Variants in GRIK1 observed in about 807,000 individuals in gnomAD.
The protein encoded by GRIK1 is glutamate ionotropic receptor kainate type subunit 1, also known as glutamate receptor ionotropic, kainate 1.
GRIK1 carries 69 observed loss-of-function variants against 105.7 expected under a neutral mutation model. That is an observed-to-expected ratio of 0.65 (90% confidence interval 0.54 to 0.80). The LOEUF (loss-of-function observed/expected upper bound fraction) is 0.80, where lower values mean the gene tolerates loss of function less well. Among genes scored for constraint, GRIK1 ranks in the 30% least tolerant of loss-of-function variants. The pLI is 0.00. For missense variants in GRIK1, 1,109 were observed against 1,167.3 expected, an observed-to-expected ratio of 0.95 and a Z score of 0.73; for synonymous variants, 438 against 431.3, an observed-to-expected ratio of 1.02 and a Z score of -0.19.
chr21:29,727,724 A>G (rs2064505237), intron 1 of GRIK1, among the ~76,000 whole-genome samples: 1 of 152,218 alleles, frequency 6.6e-6, no homozygotes, highest in Non-Finnish European at 1.5e-5. Context: ...GACCAACTGT[A>G]TTAGTCAGGG....
At chr21:29,732,551 T>C (rs1039265873) in intron 1 of GRIK1, among the ~76,000 whole-genome samples, 2 of 152,176 alleles carry the variant, frequency 1.3e-5, no homozygotes, top group Admixed American at 6.5e-5. Flanking sequence ...TTGAGTTGTA[T>C]TAAGATAGAG....
chr21:29,825,779 T>C (rs1205185794), intron 1 of GRIK1, among the ~76,000 whole-genome samples: 1 of 152,116 alleles, frequency 6.6e-6, no homozygotes, highest in African/African-American at 2.4e-5. Context: ...TGCCAAATAC[T>C]ATCCTTTACA....
chr21:29,868,088 G>C (rs2068889363), intron 1 of GRIK1, among the ~76,000 whole-genome samples: 1 of 152,046 alleles, frequency 6.6e-6, no homozygotes, highest in Admixed American at 6.6e-5. Flanking sequence ...GTGATGACGG[G>C]AGAGAAAGTA....
chr21:29,744,651 T>C (rs1035450437), intron 1 of GRIK1, among the ~76,000 whole-genome samples: 3 of 152,034 alleles, frequency 2.0e-5, no homozygotes, highest in Admixed American at 6.6e-5. Context: ...GGTCTCAGGA[T>C]AGACTTCACT....
At chr21:29,861,333 G>A (rs552955384) in intron 1 of GRIK1, among the ~76,000 whole-genome samples, 1 of 151,840 alleles carries the variant, frequency 6.6e-6, no homozygotes, top group African/African-American at 2.4e-5. Flanking sequence ...TGGAGACAGG[G>A]TCTCACTCTG....
At chr21:29,680,808 A>G (rs2063357487) in intron 3 of GRIK1, among the ~76,000 whole-genome samples, 1 of 152,196 alleles carries the variant, frequency 6.6e-6, no homozygotes, top group Admixed American at 6.5e-5. Flanking sequence ...ACAGACAAAT[A>G]TAGAAGAAGT....
chr21:29,673,140 A>G lies in GRIK1; in HGVS notation c.569T>C (p.Ile190Thr). The G allele has an allele frequency of 6.2e-7, 1 of 1,611,794 alleles. No individual in the cohort carries two copies. The highest frequency in any genetic ancestry group is 8.5e-7 in the Non-Finnish European group (1 of 1,178,060). ...STGLIRLQEL[I>T]KAPSRYNIKI... The stretch of plus-strand genomic sequence containing the variant: ...AATATTATATCTGGAGGGAGCTTTG[A>G]TGAGCTCTTGTAGACGAATTAGACC... The change falls in exon 4 of 18, where the codon ATC (isoleucine) becomes ACC (threonine). Residue 190 changes from isoleucine (I) to threonine (T), a missense_variant. By Grantham distance (89) the Ile-to-Thr change is moderately conservative. This residue lies in a region of GRIK1 where 612 missense variants were observed against 586.0 expected (regional missense o/e 1.04). Transcript: ENST00000327783.
chr21:29,879,471 G>C (rs529387273), intron 1 of GRIK1, among the ~76,000 whole-genome samples: 1 of 152,026 alleles, frequency 6.6e-6, no homozygotes, highest in Non-Finnish European at 1.5e-5. Flanking sequence ...GAAACTACTA[G>C]ATAGCTAGGT....
intron 16 of GRIK1, among the ~76,000 whole-genome samples, chr21:29,551,813 G>C (rs1246269512): frequency 1.3e-5 from 2 of 152,080 alleles, no homozygotes; most frequent in African/African-American, 4.8e-5. Flanking sequence ...CTTTGGGAGA[G>C]TAAACTTAGG....
intron 7 of GRIK1, among the ~76,000 whole-genome samples, chr21:29,613,657 A>G (rs898349533): frequency 6.6e-6 from 1 of 152,244 alleles, no homozygotes; most frequent in Non-Finnish European, 1.5e-5. Flanking sequence ...TAGTAACACT[A>G]ATAAAAGTCT....
At chr21:29,844,682 A>G (rs187006385) in intron 1 of GRIK1, among the ~76,000 whole-genome samples, 141 of 152,314 alleles carry the variant, frequency 9.3e-4, no homozygotes, top group African/African-American at 3.3e-3. Context: ...AAACCATTCA[A>G]TACCCTCACA....
intron 1 of GRIK1, among the ~76,000 whole-genome samples, chr21:29,757,212 TATCAC>T (rs1264809570): frequency 1.3e-5 from 2 of 152,194 alleles, no homozygotes; most frequent in Non-Finnish European, 2.9e-5. Flanking sequence ...ACTGTTCCAA[TATCAC>T]ATTTAAAAGG....
At chr21:29,696,039 T>A (rs1250071521) in intron 1 of GRIK1, among the ~76,000 whole-genome samples, 2 of 152,244 alleles carry the variant, frequency 1.3e-5, no homozygotes, top group African/African-American at 4.8e-5. Flanking sequence ...TGATCCTACT[T>A]TGAAAAAAAT....
intron 1 of GRIK1, among the ~76,000 whole-genome samples, chr21:29,746,605 T>C (rs761161859): frequency 1.3e-5 from 2 of 152,242 alleles, no homozygotes; most frequent in Non-Finnish European, 2.9e-5. Flanking sequence ...AGAGTTAAGA[T>C]TTTACTCAAT....
At chr21:29,753,734 G>A (rs973272975) in intron 1 of GRIK1, among the ~76,000 whole-genome samples, 1 of 152,152 alleles carries the variant, frequency 6.6e-6, no homozygotes, top group East Asian at 1.9e-4. Flanking sequence ...AGCAGTCTTT[G>A]ATTTCATGTA....
intron 8 of GRIK1, among the ~76,000 whole-genome samples, chr21:29,596,953 TACAC>T (rs538669334): frequency 6.0e-5 from 9 of 150,710 alleles, no homozygotes; most frequent in African/African-American, 1.9e-4. Flanking sequence ...AATCAATCAA[TACAC>T]ACACACACAC....
In GRIK1 at chr21:29,885,318, G is replaced by A. The variant is rs141894199; in HGVS notation, c.118+54065C>T. Reference sequence around the variant, plus strand: ...GCTAGATGGTTTTTAACTAAATATAGGCATATTAAAAGTTCTCTTCTCATA... The same window carrying A: ...GCTAGATGGTTTTTAACTAAATATAAGCATATTAAAAGTTCTCTTCTCATA... On this transcript the variant is annotated intron_variant, in intron 1 of 17. Coordinates refer to ENST00000327783, the MANE Select transcript of GRIK1 (RefSeq NM_001330994.2). 7.2e-5 allele frequency among the ~76,000 whole-genome samples: 11 copies of A among 152,086 alleles called. No individual in the cohort carries two copies. In the East Asian group the frequency reaches 1.9e-3, roughly 27 times the overall value.
intron 7 of GRIK1, among the ~76,000 whole-genome samples, chr21:29,610,737 A>G (rs2146369902): frequency 6.6e-6 from 1 of 152,294 alleles, no homozygotes; most frequent in Non-Finnish European, 1.5e-5. Flanking sequence ...TGCTTGTGGT[A>G]ATTCACCTAA....
At chr21:29,832,447 C>T (rs965930751) in intron 1 of GRIK1, among the ~76,000 whole-genome samples, 6 of 152,170 alleles carry the variant, frequency 3.9e-5, no homozygotes, top group African/African-American at 7.2e-5. Context: ...AGGCTTCTGC[C>T]TAGACATCCA....
Sources: allele counts gnomAD v4.1 joint callset (sites outside exome capture counted in the v4.1 genomes callset), GRCh38; gene constraint gnomAD v4.1.1; regional missense constraint gnomAD v4.1.1; transcripts MANE v1.5; gene names NCBI Gene and HGNC (gene_info 2026-07-23, HGNC 2026-07-21).